Variants in RIMBP2 observed in about 807,000 individuals in gnomAD.
RIMBP2 encodes RIMS binding protein 2, also known as RIMS-binding protein 2.
In RIMBP2, 48 loss-of-function variants were observed where a neutral mutation model predicts 118.6. The observed-to-expected ratio is 0.40, with a 90% CI of 0.32 to 0.51. RIMBP2 has a LOEUF of 0.51. RIMBP2 is among the 20% of genes least tolerant of loss of function. RIMBP2 has a pLI of 0.41. For synonymous variants in RIMBP2, 762 were observed against 742.9 expected, an observed-to-expected ratio of 1.03 and a Z score of -0.42; for missense variants, 1,551 against 1,768.3, an observed-to-expected ratio of 0.88 and a Z score of 2.20.
chr12:130,463,955 G>A (rs118150997), intron 6 of RIMBP2, among the ~76,000 whole-genome samples: 5,287 of 151,806 alleles, frequency 0.035, 135 homozygotes, highest in Non-Finnish European at 0.054. Flanking sequence ...TCATTATAAT[G>A]CATTGGCTGC....
At chr12:130,619,432 T>C (rs971027193) in intron 2 of RIMBP2, among the ~76,000 whole-genome samples, 1 of 152,202 alleles carries the variant, frequency 6.6e-6, no homozygotes, top group Non-Finnish European at 1.5e-5. Context: ...ATTTTTTTAC[T>C]CCTTGGGAAG....
Position 130,573,747 on chromosome 12 carries a change from C to T in RIMBP2, c.-217+54575G>A, listed in dbSNP as rs1593859282. On this transcript the variant is annotated intron_variant, in intron 2 of 22. Transcript: ENST00000690449. ...GTGCAAGTGGAGAAACGCAGGAAGC[C>T]AAGTCAGCATGACACAGCCGAGCTG... 4.6e-5 allele frequency among the ~76,000 whole-genome samples: 7 copies of T among 152,090 alleles called. No homozygotes were observed. In the South Asian group the frequency reaches 1.5e-3, roughly 32 times the overall value.
chr12:130,674,839 G>T (rs2064374555), intron 1 of RIMBP2, among the ~76,000 whole-genome samples: 1 of 152,090 alleles, frequency 6.6e-6, no homozygotes, highest in African/African-American at 2.4e-5. Context: ...CTCGGGACGG[G>T]TCGTATACGT....
intron 16 of RIMBP2, among the ~76,000 whole-genome samples, chr12:130,423,478 G>A (rs925357158): frequency 6.6e-5 from 10 of 152,118 alleles, no homozygotes; most frequent in Non-Finnish European, 1.0e-4. Context: ...CAAATGTTCC[G>A]AAAAGAGGAC....
At chr12:130,399,581 T>C (rs2074333510) in intron 22 of RIMBP2, 98 bp downstream of exon 22, 9 of 1,423,966 alleles carry the variant, frequency 6.3e-6, no homozygotes, top group Admixed American at 4.1e-5. Context: ...TATTTACGCT[T>C]TTCGGCCCAA....
In RIMBP2 at chr12:130,621,416, G is replaced by A. The variant is rs951007226; in HGVS notation, c.-217+6906C>T. ...TGACGCCAACACAGAGGAAAAGGAT[G>A]GAGATTCCCAAAACATCGGCAGAGT... On this transcript the variant is annotated intron_variant, in intron 2 of 22. Coordinates refer to ENST00000690449, the MANE Select transcript of RIMBP2 (RefSeq NM_001393629.1). This position sits in a 1 kb window ranked among gnomAD's most constrained non-coding sequence, Gnocchi z 6.6. 6.6e-6 allele frequency among the ~76,000 whole-genome samples: 1 copy of A among 152,168 alleles called. No individual in the cohort carries two copies. The highest frequency in any genetic ancestry group is 1.5e-5 in the Non-Finnish European group (1 of 68,032).
intron 3 of RIMBP2, among the ~76,000 whole-genome samples, chr12:130,509,728 C>CCCCCT (rs1355321764): frequency 1.3e-5 from 2 of 149,850 alleles, no homozygotes; most frequent in South Asian, 4.4e-4. Context: ...TGCCCTCTGC[C>CCCCCT]CCCCCGCCCC....
intron 2 of RIMBP2, among the ~76,000 whole-genome samples, chr12:130,577,147 T>C (rs1485231575): frequency 1.3e-5 from 2 of 152,292 alleles, no homozygotes; most frequent in East Asian, 3.9e-4. Context: ...CTATTCACTG[T>C]GTGACCTTGT....
At chr12:130,500,867 T>A (rs1399241818) in intron 4 of RIMBP2, among the ~76,000 whole-genome samples, 1 of 149,994 alleles carries the variant, frequency 6.7e-6, no homozygotes, top group Admixed American at 6.6e-5. Context: ...CTGAGCTTCA[T>A]GCTTTAACCC....
intron 2 of RIMBP2, among the ~76,000 whole-genome samples, chr12:130,601,496 C>T (rs2059883642): frequency 6.6e-6 from 1 of 152,184 alleles, no homozygotes; most frequent in South Asian, 2.1e-4. Flanking sequence ...GCCTGGCTTC[C>T]AGCTTGATGC....
In RIMBP2 at chr12:130,646,293, GCCTCTCCACCTCCCTCACCACTTC is replaced by G. The variant is rs1566422981; in HGVS notation, c.-351-17861_-351-17838del. On this transcript the variant is annotated intron_variant, in intron 1 of 22. Transcript: ENST00000690449. ...TGCCTCACCACCTCCCTCACCACCTGCCTCTCCACCTCCCTCACCACTTCCCTCTCCACCTGCCTCACCACCTCC... is the reference window on the plus strand; with the variant it reads ...TGCCTCACCACCTCCCTCACCACCTGCCTCTCCACCTGCCTCACCACCTCC... Among the ~76,000 whole-genome samples the G allele has an allele frequency of 5.1e-3, 42 of 8,288 alleles. 5 individuals are homozygous for G. Among genetic ancestry groups the G allele is most frequent in the African/African-American group, 0.019 (29 of 1,556 alleles). The allele number at this position is 8,288 out of a possible 152,430, so 5.4% of individuals were successfully genotyped here. A position where few individuals can be genotyped will look rare whatever the true frequency, so the allele number is the denominator to read the frequency against.
intron 2 of RIMBP2, among the ~76,000 whole-genome samples, chr12:130,547,939 A>C (rs1233101713): frequency 6.6e-6 from 1 of 152,180 alleles, no homozygotes; most frequent in African/African-American, 2.4e-5. Context: ...CTGCCTACTG[A>C]ATGTCTTGTA....
chr12:130,597,231 C>T (rs1177307587), intron 2 of RIMBP2, among the ~76,000 whole-genome samples: 1 of 152,122 alleles, frequency 6.6e-6, no homozygotes, highest in Admixed American at 6.6e-5. Context: ...GAAAGCCCAT[C>T]GTTTTTATTT....
chr12:130,399,058 C>T, intron 22 of RIMBP2: 2 of 859,004 alleles, frequency 2.3e-6, no homozygotes, highest in East Asian at 3.5e-5. Flanking sequence ...ACCACACTGG[C>T]CCGGTTAAGG....
In RIMBP2 at chr12:130,469,321, G is replaced by A. The variant is rs1245258890; in HGVS notation, c.153+1372C>T. ...GAAAGCATGCACCACCAGCAGCACG[G>A]GGTGACAGGTGACAGCGGGATCATG... On this transcript the variant is annotated intron_variant, in intron 6 of 22. Coordinates refer to ENST00000690449, the MANE Select transcript of RIMBP2 (RefSeq NM_001393629.1). This position sits in a 1 kb window ranked among gnomAD's most constrained non-coding sequence, Gnocchi z 4.8. 6.6e-6 allele frequency among the ~76,000 whole-genome samples: 1 copy of A among 152,200 alleles called. No homozygotes were observed. The highest frequency in any genetic ancestry group is 1.5e-5 in the Non-Finnish European group (1 of 68,044).
Position 130,456,698 on chromosome 12 carries a change from G to T in RIMBP2, c.156C>A (p.Ser52=). 2 of 1,600,326 alleles carry T rather than the reference G, an allele frequency of 1.2e-6. No individual in the cohort carries two copies. Among genetic ancestry groups the T allele is most frequent in the Non-Finnish European group, 1.7e-6 (2 of 1,170,310 alleles). The change falls in exon 7 of 23, where the codon TCC becomes TCA. Residue 52 remains serine, a splice_region_variant and synonymous_variant. Coordinates refer to ENST00000690449, the MANE Select transcript of RIMBP2 (RefSeq NM_001393629.1). ...ATTTCTCTTCCAGCTCTCGAACCTTGGACTGCACGGCAGAAGCAGGACAGG... is the reference window on the plus strand; with the variant it reads ...ATTTCTCTTCCAGCTCTCGAACCTTTGACTGCACGGCAGAAGCAGGACAGG... ...EHEGAVRLLE[S]KVRELEEKCR...
intron 7 of RIMBP2, among the ~76,000 whole-genome samples, chr12:130,451,803 G>A (rs1039600464): frequency 1.3e-5 from 2 of 152,180 alleles, no homozygotes; most frequent in Non-Finnish European, 2.9e-5. Flanking sequence ...AGATGTCCCT[G>A]AAGCCACGTC....
chr12:130,452,914 C>T (rs979934497), intron 7 of RIMBP2, among the ~76,000 whole-genome samples: 4 of 152,270 alleles, frequency 2.6e-5, no homozygotes, highest in South Asian at 2.1e-4. Context: ...ACGTAATCCC[C>T]GTGGCAGCTT....
At chr12:130,618,682 C>T (rs932938355) in intron 2 of RIMBP2, among the ~76,000 whole-genome samples, 3 of 152,164 alleles carry the variant, frequency 2.0e-5, no homozygotes, top group African/African-American at 7.2e-5. Context: ...GTGATTCAGG[C>T]AAAATGCCTT....
Sources: gnomAD v4.1 joint callset for allele counts (sites outside exome capture counted in the v4.1 genomes callset) on GRCh38, gnomAD v4.1.1 for gene constraint, Gnocchi (gnomAD v3.1) non-coding constraint, MANE v1.5 for transcripts, NCBI Gene and HGNC (gene_info 2026-07-23, HGNC 2026-07-21) for gene names.